Variants in GHR observed in about 807,000 individuals in gnomAD.
GHR encodes the protein growth hormone receptor.
Under a neutral mutation model 67.1 loss-of-function variants are expected in GHR, and 35 were observed. That is an observed-to-expected ratio of 0.52 (90% CI 0.40 to 0.69). The LOEUF is 0.69. Among genes scored for constraint, GHR ranks in the 30% least tolerant of loss-of-function variants. The pLI is 0.00. For missense variants in GHR, 792 were observed against 764.6 expected, an observed-to-expected ratio of 1.04 and a Z score of -0.42; for synonymous variants, 272 against 269.1, an observed-to-expected ratio of 1.01 and a Z score of -0.10.
chr5:42,458,889 C>T (rs1744372335), intron 1 of GHR, among the ~76,000 whole-genome samples: 1 of 152,074 alleles, frequency 6.6e-6, no homozygotes, highest in Non-Finnish European at 1.5e-5. Flanking sequence ...AAAAAATGCT[C>T]AATATCACTA....
intron 4 of GHR, among the ~76,000 whole-genome samples, chr5:42,694,430 G>C (rs75320054): frequency 6.6e-6 from 1 of 152,164 alleles, no homozygotes; most frequent in Non-Finnish European, 1.5e-5. Flanking sequence ...GTTGGTGCTG[G>C]ATATAATGCA....
At chr5:42,648,712 A>G (rs535177007) in intron 3 of GHR, among the ~76,000 whole-genome samples, 19 of 151,100 alleles carry the variant, frequency 1.3e-4, no homozygotes, top group South Asian at 2.1e-4. Flanking sequence ...TAGTAGTAGT[A>G]GTGGTGGTGG....
intron 3 of GHR, among the ~76,000 whole-genome samples, chr5:42,644,646 G>GT (rs1401601887): frequency 2.0e-5 from 3 of 151,886 alleles, no homozygotes; most frequent in Middle Eastern, 3.4e-3. Flanking sequence ...ATGTTGGTAT[G>GT]TTTTTTTAAA....
intron 1 of GHR, 100 bp from the exon 2 acceptor site, chr5:42,565,764 C>T (rs898409340): frequency 6.1e-5 from 97 of 1,602,578 alleles, no homozygotes; most frequent in Non-Finnish European, 7.9e-5. Flanking sequence ...GGAACTGACT[C>T]GTCAGCTCAT....
chr5:42,578,337 T>A (rs1691455415), intron 2 of GHR, among the ~76,000 whole-genome samples: 1 of 152,196 alleles, frequency 6.6e-6, no homozygotes, highest in African/African-American at 2.4e-5. Flanking sequence ...TTATATTTTT[T>A]AAAAAGTAAA....
intron 1 of GHR, among the ~76,000 whole-genome samples, chr5:42,526,253 C>T (rs1004675051): frequency 6.6e-6 from 1 of 151,856 alleles, no homozygotes; most frequent in African/African-American, 2.4e-5. Context: ...GATAGAAAAT[C>T]AAACCAGCCA....
At chr5:42,451,386 C>G (rs1188417785) in intron 1 of GHR, among the ~76,000 whole-genome samples, 2 of 147,456 alleles carry the variant, frequency 1.4e-5, no homozygotes, top group African/African-American at 5.0e-5. Context: ...TATAATGTCC[C>G]TCTTTGTCTT....
chr5:42,538,010 T>C (rs1179417760), intron 1 of GHR, among the ~76,000 whole-genome samples: 1 of 152,192 alleles, frequency 6.6e-6, no homozygotes, highest in Non-Finnish European at 1.5e-5. Flanking sequence ...TTGCATGAAA[T>C]GCCTTTTTCC....
At position 42,474,257 on chromosome 5, in the gene GHR, C is replaced by CAGACAGAAAGAAAGAAAGAA. The variant is rs1182799025; in HGVS notation, c.-12+50305_-12+50306insCAGAAAGAAAGAAAGAAAGA. Among the ~76,000 whole-genome samples the CAGACAGAAAGAAAGAAAGAA allele has an allele frequency of 2.0e-3, 178 of 88,022 alleles. 1 individual carries two copies. Among genetic ancestry groups the CAGACAGAAAGAAAGAAAGAA allele is most frequent in the African/African-American group, 7.0e-3 (163 of 23,438 alleles). The allele number at this position is 88,022 out of a possible 152,430, so 57.7% of individuals were successfully genotyped here. On this transcript the variant is annotated intron_variant, in intron 1 of 9. Coordinates refer to ENST00000230882, the MANE Select transcript of GHR (RefSeq NM_000163.5). The stretch of plus-strand genomic sequence containing the variant: ...AGAAAGAAAGAGAGAGAAAGACAGA[C>CAGACAGAAAGAAAGAAAGAA]AGAAAGAAAGAAAGAAAGAAAGAAA...
At chr5:42,568,851 A>G (rs191096533) in intron 2 of GHR, among the ~76,000 whole-genome samples, 68 of 152,356 alleles carry the variant, frequency 4.5e-4, no homozygotes, top group Admixed American at 1.1e-3. Flanking sequence ...GTGTACTGAT[A>G]ATTCTTAAGA....
chr5:42,542,651 C>G (rs1280310649), intron 1 of GHR, among the ~76,000 whole-genome samples: 1 of 152,094 alleles, frequency 6.6e-6, no homozygotes, highest in African/African-American at 2.4e-5. Context: ...CTATTCCAAT[C>G]ATTTTTGGGG....
intron 2 of GHR, among the ~76,000 whole-genome samples, chr5:42,587,254 G>A (rs1252282444): frequency 6.6e-6 from 1 of 152,052 alleles, no homozygotes; most frequent in Non-Finnish European, 1.5e-5. Context: ...TATAAGGCTA[G>A]GATACTGCAG....
chr5:42,429,953 G>A (rs1447180750), intron 1 of GHR, among the ~76,000 whole-genome samples: 6 of 152,190 alleles, frequency 3.9e-5, no homozygotes, highest in Non-Finnish European at 8.8e-5. Flanking sequence ...TGAAGTGAAA[G>A]TACATCAAAT....
At chr5:42,446,946 AG>A (rs563017965) in intron 1 of GHR, among the ~76,000 whole-genome samples, 297 of 152,360 alleles carry the variant, frequency 1.9e-3, no homozygotes, top group African/African-American at 6.9e-3. Flanking sequence ...GTTCAGCTCC[AG>A]GGAAAATAAA....
At chr5:42,687,403 C>G (rs1024396363) in intron 3 of GHR, among the ~76,000 whole-genome samples, 1 of 152,194 alleles carries the variant, frequency 6.6e-6, no homozygotes, top group Non-Finnish European at 1.5e-5. Context: ...AGGCATCACG[C>G]TACCTGACCC....
chr5:42,592,193 C>T (rs971514401), intron 2 of GHR, among the ~76,000 whole-genome samples: 19 of 152,134 alleles, frequency 1.2e-4, no homozygotes, highest in South Asian at 4.1e-4. Context: ...CTCTTTGTGC[C>T]GAGCAGGTGC....
chr5:42,436,831 C>T (rs1382983295), intron 1 of GHR, among the ~76,000 whole-genome samples: 1 of 152,076 alleles, frequency 6.6e-6, no homozygotes. Context: ...CCTTGGTTGC[C>T]TTGGAACTCT....
intron 6 of GHR, among the ~76,000 whole-genome samples, chr5:42,700,476 T>G (rs769651563): frequency 1.3e-5 from 2 of 152,174 alleles, no homozygotes; most frequent in Non-Finnish European, 2.9e-5. Context: ...CAGAAGGATG[T>G]TTTGTTACAT....
chr5:42,718,881 A>G lies in GHR; in HGVS notation c.1374A>G (p.Pro458=). The part of the protein sequence containing the change: ...VIQAEKNKPQ[P]LPTEGAESTH... The stretch of plus-strand genomic sequence containing the variant: ...AAGCAGAGAAAAACAAACCACAACC[A>G]CTTCCTACTGAAGGAGCTGAGTCAA... Residue 458 remains proline (P), a synonymous_variant, in exon 10 of 10, where the codon CCA becomes CCG. Transcript: ENST00000230882. 6.2e-7 allele frequency: 1 copy of G among 1,614,028 alleles called. No individual in the cohort carries two copies. The highest frequency in any genetic ancestry group is 1.1e-5 in the South Asian group (1 of 91,068).
Sources: gnomAD v4.1 joint callset for allele counts (sites outside exome capture counted in the v4.1 genomes callset) on GRCh38, gnomAD v4.1.1 for gene constraint, MANE v1.5 for transcripts, NCBI Gene and HGNC (gene_info 2026-07-23, HGNC 2026-07-21) for gene names.